Variants in HACL1 observed in about 807,000 individuals in gnomAD.
HACL1 encodes 2-hydroxyacyl-CoA lyase 1.
HACL1 carries 64 observed loss-of-function variants against 74.2 expected under a neutral mutation model. The observed-to-expected ratio is 0.86, with a 90% CI of 0.70 to 1.06. The LOEUF (loss-of-function observed/expected upper bound fraction) is 1.06, where lower values mean the gene tolerates loss of function less well. HACL1 is among the 50% of genes least tolerant of loss of function. The pLI is 0.00. For synonymous variants in HACL1, 230 were observed against 238.8 expected (o/e 0.96, Z 0.34); for missense variants, 728 against 719.7 (o/e 1.01, Z -0.13).
intron 16 of HACL1, among the ~76,000 whole-genome samples, chr3:15,561,861 A>G (rs1285357081): frequency 1.3e-5 from 2 of 152,152 alleles, no homozygotes; most frequent in African/African-American, 4.8e-5. Flanking sequence ...TTGTATTTTT[A>G]GTAGAGACAG....
At chr3:15,591,845 GAT>G (rs998172089) in intron 3 of HACL1, among the ~76,000 whole-genome samples, 165 bp from the exon 4 acceptor site, 17 of 149,984 alleles carry the variant, frequency 1.1e-4, no homozygotes, top group South Asian at 6.3e-4. Context: ...AAAACAAGGC[GAT>G]ATATATATAT....
At position 15,601,486 on chromosome 3, in the gene HACL1, A is replaced by G; in HGVS notation, c.-23T>C. 2 of 1,611,574 alleles carry G rather than the reference A, an allele frequency of 1.2e-6. No individual in the cohort carries two copies. The highest frequency in any genetic ancestry group is 3.3e-5 in the Admixed American group (2 of 60,016). On this transcript the variant is annotated 5_prime_UTR_variant, in exon 1 of 17. Coordinates refer to ENST00000321169, the MANE Select transcript of HACL1 (RefSeq NM_012260.4). The stretch of plus-strand genomic sequence containing the variant: ...CATCTTCCACCGAAAAGCTCTAAGC[A>G]CTCACGCAGCCGGCAAACAAGCGGA...
chr3:15,576,222 A>G (rs1359129147), intron 9 of HACL1, among the ~76,000 whole-genome samples: 1 of 151,244 alleles, frequency 6.6e-6, no homozygotes, highest in Non-Finnish European at 1.5e-5. Flanking sequence ...TTTAAAGGCT[A>G]CATATTTTGC....
intron 3 of HACL1, among the ~76,000 whole-genome samples, chr3:15,594,625 T>C (rs993521687): frequency 6.6e-6 from 1 of 152,358 alleles, no homozygotes; most frequent in African/African-American, 2.4e-5. Context: ...TGTATAGTAA[T>C]AGAAATGTTC....
At chr3:15,574,936 A>G (rs899108482) in intron 10 of HACL1, 41 bp downstream of exon 10, 1 of 885,768 alleles carries the variant, frequency 1.1e-6, no homozygotes, top group Non-Finnish European at 1.9e-6. Flanking sequence ...AGAATAATGA[A>G]CATAGACATT....
chr3:15,571,835 T>G, intron 11 of HACL1, 66 bp from the exon 12 acceptor site: 1 of 536,080 alleles, frequency 1.9e-6, no homozygotes, highest in Non-Finnish European at 3.1e-6. Flanking sequence ...TTTTCTTTTT[T>G]TTTTTTTTTT....
intron 3 of HACL1, among the ~76,000 whole-genome samples, chr3:15,594,350 G>A (rs1313404754): frequency 6.6e-6 from 1 of 152,268 alleles, no homozygotes; most frequent in East Asian, 1.9e-4. Flanking sequence ...AGTTTGCAGT[G>A]AGCCGAGATG....
chr3:15,584,026 A>C (rs1488767452), intron 7 of HACL1, among the ~76,000 whole-genome samples: 1 of 152,222 alleles, frequency 6.6e-6, no homozygotes, highest in Non-Finnish European at 1.5e-5. Flanking sequence ...AGAAATATTC[A>C]AACTGTCACA....
At position 15,592,561 on chromosome 3, in the gene HACL1, T is replaced by C. The variant is rs1237304181; in HGVS notation, c.228-881A>G. On this transcript the variant is annotated intron_variant, in intron 3 of 16. Transcript: ENST00000321169. ...ACACATGTACGCACATGTGTGCGTG[T>C]ATACACATGTACGCACATGTGTGCG... 3.4e-5 allele frequency among the ~76,000 whole-genome samples: 5 copies of C among 148,908 alleles called. No homozygotes were observed. In the East Asian group the frequency reaches 8.1e-4, roughly 24 times the overall value.
chr3:15,594,400 T>G (rs1223252260), intron 3 of HACL1, among the ~76,000 whole-genome samples: 1 of 152,096 alleles, frequency 6.6e-6, no homozygotes, highest in African/African-American at 2.4e-5. Context: ...AGAGTGAGAC[T>G]CCAAATAAAT....
intron 15 of HACL1, 148 bp from the exon 16 acceptor site, chr3:15,563,692 C>CT (rs1491380263): frequency 1.7e-6 from 1 of 603,528 alleles, no homozygotes; most frequent in Non-Finnish European, 2.9e-6. Context: ...TGCCAGTACA[C>CT]TGAGTTTTTC....
intron 9 of HACL1, among the ~76,000 whole-genome samples, chr3:15,578,683 G>A (rs1284542886): frequency 6.6e-6 from 1 of 152,164 alleles, no homozygotes; most frequent in Non-Finnish European, 1.5e-5. Flanking sequence ...CCTTACTGCA[G>A]AGCTGCATGG....
chr3:15,590,888 C>A (rs2063879615), intron 4 of HACL1, among the ~76,000 whole-genome samples: 1 of 152,196 alleles, frequency 6.6e-6, no homozygotes, highest in Non-Finnish European at 1.5e-5. Context: ...TGAGACCAGC[C>A]TGGCCAGCAT....
At chr3:15,581,233 C>T (rs994564261) in intron 8 of HACL1, among the ~76,000 whole-genome samples, 1 of 152,208 alleles carries the variant, frequency 6.6e-6, no homozygotes, top group African/African-American at 2.4e-5. Context: ...AGTTATGTGC[C>T]TGGGAATAAC....
intron 12 of HACL1, among the ~76,000 whole-genome samples, chr3:15,570,320 C>A (rs1291994010): frequency 6.7e-6 from 1 of 149,414 alleles, no homozygotes; most frequent in Non-Finnish European, 1.5e-5. Flanking sequence ...TCTAGCCTGG[C>A]GACAGAGTGA....
At chr3:15,568,672 G>T in intron 12 of HACL1, 86 bp from the exon 13 acceptor site, 1 of 782,910 alleles carries the variant, frequency 1.3e-6, no homozygotes, top group Admixed American at 2.5e-5. Flanking sequence ...AAACTTATTT[G>T]GAAATACGCA....
At chr3:15,578,108 A>C (rs1174947226) in intron 9 of HACL1, among the ~76,000 whole-genome samples, 2 of 151,288 alleles carry the variant, frequency 1.3e-5, no homozygotes, top group East Asian at 1.9e-4. Flanking sequence ...AAAAAAAAAA[A>C]AAAAAAAAAA....
rs561846117 is a variant in HACL1, at chr3:15,593,687, G to GT, written c.228-2008dup. Reference sequence around the variant, plus strand: ...TGAGTTCATTTTTGTATGAAAAAAGGTTTTTTTTTCATTTCTTAACAAATA... The same window carrying GT: ...TGAGTTCATTTTTGTATGAAAAAAGGTTTTTTTTTTCATTTCTTAACAAATA... On this transcript the variant is annotated intron_variant, in intron 3 of 16. Transcript: ENST00000321169. 2.4e-3 allele frequency among the ~76,000 whole-genome samples: 361 copies of GT among 148,670 alleles called. 1 individual carries two copies. Among genetic ancestry groups the GT allele is most frequent in the Non-Finnish European group, 4.2e-3 (279 of 67,182 alleles).
chr3:15,563,269 T>C (rs990170677), intron 16 of HACL1, 89 bp downstream of exon 16: 14 of 817,826 alleles, frequency 1.7e-5, no homozygotes, highest in Middle Eastern at 2.8e-4. Context: ...CTGTGGATGA[T>C]AGAGGGTGTT....
Sources: gnomAD v4.1 joint callset for allele counts (sites outside exome capture counted in the v4.1 genomes callset) on GRCh38, gnomAD v4.1.1 for gene constraint, MANE v1.5 for transcripts, NCBI Gene and HGNC (gene_info 2026-07-23, HGNC 2026-07-21) for gene names.